Variants in BRINP1 observed in about 807,000 individuals in gnomAD.
BRINP1 encodes the protein BMP/retinoic acid inducible neural specific 1.
Under a neutral mutation model 72.9 loss-of-function variants are expected in BRINP1, and 17 were observed. That is an observed-to-expected ratio of 0.23 (90% CI 0.16 to 0.35). The LOEUF is 0.35. BRINP1 is among the 10% of genes least tolerant of loss of function. The pLI is 1.00. For missense variants in BRINP1, 850 were observed against 1,001.6 expected (o/e 0.85, Z 2.04); for synonymous variants, 418 against 378.5 (o/e 1.10, Z -1.21).
chr9:119,218,070 G>C (rs926840204), intron 5 of BRINP1, among the ~76,000 whole-genome samples: 1 of 151,786 alleles, frequency 6.6e-6, no homozygotes, highest in African/African-American at 2.4e-5. Flanking sequence ...ATTTCTAATA[G>C]TTTTTCTATC....
intron 2 of BRINP1, among the ~76,000 whole-genome samples, chr9:119,308,327 G>C (rs779552575): frequency 7.9e-5 from 12 of 152,166 alleles, no homozygotes; most frequent in Non-Finnish European, 1.5e-4. Context: ...GGAATCAAAA[G>C]CTGAAGGCTT....
intron 2 of BRINP1, among the ~76,000 whole-genome samples, chr9:119,277,851 TC>T (rs1456578556): frequency 6.6e-6 from 1 of 152,214 alleles, no homozygotes; most frequent in Non-Finnish European, 1.5e-5. Context: ...GTCCATCCTA[TC>T]TTCCACTCTA....
intron 1 of BRINP1, among the ~76,000 whole-genome samples, chr9:119,320,723 G>C (rs556163788): frequency 2.6e-5 from 4 of 152,262 alleles, no homozygotes; most frequent in Non-Finnish European, 5.9e-5. Context: ...AAAGAGACAG[G>C]GACAGGGTGG....
At chr9:119,225,028 T>A (rs747401699) in intron 5 of BRINP1, among the ~76,000 whole-genome samples, 5 of 152,076 alleles carry the variant, frequency 3.3e-5, no homozygotes, top group Non-Finnish European at 7.4e-5. Flanking sequence ...AATTTTACTC[T>A]TAAGTATATA....
In BRINP1 at chr9:119,249,091, T is replaced by A; in HGVS notation, c.278A>T (p.His93Leu). Residue 93 changes from histidine to leucine, a missense_variant, in exon 3 of 8, where the codon CAT (histidine) becomes CTT (leucine). Physicochemically the swap from His to Leu is moderately conservative, Grantham distance 99. Transcript: ENST00000265922. ...AAACTCCGGCATGAGGGGCACTGGATGGCGGACCAGATCTCTCCTCTCGAT... is the reference window on the plus strand; with the variant it reads ...AAACTCCGGCATGAGGGGCACTGGAAGGCGGACCAGATCTCTCCTCTCGAT... ...TAIERRDLVR[H>L]PVPLMPEFQR... 6.2e-7 allele frequency: 1 copy of A among 1,614,108 alleles called. No individual in the cohort carries two copies. Among genetic ancestry groups the A allele is most frequent in the South Asian group, 1.1e-5 (1 of 91,066 alleles).
At chr9:119,325,297 T>C (rs1831228727) in intron 1 of BRINP1, among the ~76,000 whole-genome samples, 1 of 152,146 alleles carries the variant, frequency 6.6e-6, no homozygotes, top group Admixed American at 6.5e-5. Context: ...AAACTCATTA[T>C]CACCCTCTCA....
intron 2 of BRINP1, among the ~76,000 whole-genome samples, chr9:119,303,543 T>C (rs1476502904): frequency 6.6e-6 from 1 of 152,170 alleles, no homozygotes; most frequent in Non-Finnish European, 1.5e-5. Context: ...ACTGTGTACA[T>C]GAATCAATGT....
At chr9:119,175,377 GGGGGGCTA>G (rs1273299350) in intron 7 of BRINP1, among the ~76,000 whole-genome samples, 1 of 152,112 alleles carries the variant, frequency 6.6e-6, no homozygotes, top group Non-Finnish European at 1.5e-5. Context: ...GTCAGGGGTT[GGGGGGCTA>G]GGGGAGAGAT....
intron 1 of BRINP1, among the ~76,000 whole-genome samples, chr9:119,323,162 G>A (rs181466096): frequency 1.1e-3 from 161 of 152,294 alleles, no homozygotes; most frequent in Admixed American, 1.6e-3. Context: ...ATGGGGTATA[G>A]AGGCCCCTCA....
chr9:119,316,083 A>G (rs1370095190), intron 1 of BRINP1, among the ~76,000 whole-genome samples: 1 of 152,102 alleles, frequency 6.6e-6, no homozygotes, highest in Non-Finnish European at 1.5e-5. Context: ...ACCCTAAACA[A>G]TCTATTTTCT....
chr9:119,170,444 A>G (rs1478623169), intron 7 of BRINP1, among the ~76,000 whole-genome samples: 13 of 150,936 alleles, frequency 8.6e-5, no homozygotes, highest in Non-Finnish European at 1.5e-4. Context: ...AAGAATAAAA[A>G]GAAATGAGCA....
chr9:119,304,374 T>C (rs888910656), intron 2 of BRINP1, among the ~76,000 whole-genome samples: 4 of 152,154 alleles, frequency 2.6e-5, no homozygotes, highest in Admixed American at 1.3e-4. Flanking sequence ...ATAGCGACCA[T>C]TGTATGGTTC....
In BRINP1 at chr9:119,285,201, CAAAA is replaced by C. The variant is rs58381406; in HGVS notation, c.218+27933_218+27936del. Among the ~76,000 whole-genome samples, 248 of 121,152 alleles carry C rather than the reference CAAAA, an allele frequency of 2.0e-3. 1 individual carries two copies. The highest frequency in any genetic ancestry group is 5.9e-3 in the African/African-American group (192 of 32,472). The allele number at this position is 121,152 out of a possible 152,430, so 79.5% of individuals were successfully genotyped here. On this transcript the variant is annotated intron_variant, in intron 2 of 7. Coordinates refer to ENST00000265922, the MANE Select transcript of BRINP1 (RefSeq NM_014618.3). ...ATACTAATCAAGTTCTTGCAGGCATCAAAAAAAAAAAAAAAAAAAATAGGTTGTA... is the reference window on the plus strand; with the variant it reads ...ATACTAATCAAGTTCTTGCAGGCATCAAAAAAAAAAAAAAAATAGGTTGTA...
Position 119,349,564 on chromosome 9 carries a change from G to A in BRINP1, c.-51+19492C>T, listed in dbSNP as rs368532729. Among the ~76,000 whole-genome samples the A allele has an allele frequency of 1.4e-4, 21 of 152,302 alleles. No homozygotes were observed. In the East Asian group the frequency reaches 1.7e-3, roughly 13 times the overall value. On this transcript the variant is annotated intron_variant, in intron 1 of 7. Transcript: ENST00000265922. ...AAAAATACAGCAACGGTTAAAAGCC[G>A]TCTCAGTTAAATAGAACTGGGAACC...
At chr9:119,266,808 T>C (rs998797099) in intron 2 of BRINP1, among the ~76,000 whole-genome samples, 3 of 152,244 alleles carry the variant, frequency 2.0e-5, no homozygotes, top group African/African-American at 4.8e-5. Context: ...GTTCCATCCA[T>C]GTTGTTGCAA....
chr9:119,268,247 AATAGATAGATAG>A (rs61056780), intron 2 of BRINP1, among the ~76,000 whole-genome samples: 3,952 of 95,562 alleles, frequency 0.041, 76 homozygotes, highest in Non-Finnish European at 0.061. Flanking sequence ...TGTCTCAATA[AATAGATAGATAG>A]ATAGATAGAT....
chr9:119,189,526 A>C (rs1829661801), intron 7 of BRINP1, among the ~76,000 whole-genome samples: 1 of 152,152 alleles, frequency 6.6e-6, no homozygotes, highest in African/African-American at 2.4e-5. Flanking sequence ...CTATGCTTAC[A>C]TTAGATAAAA....
At chr9:119,303,292 A>ACG (rs763702520) in intron 2 of BRINP1, among the ~76,000 whole-genome samples, 3 of 47,402 alleles carry the variant, frequency 6.3e-5, no homozygotes, top group African/African-American at 1.0e-4. Flanking sequence ...ACACACACAG[A>ACG]CACACACACA....
intron 2 of BRINP1, among the ~76,000 whole-genome samples, chr9:119,275,728 C>G (rs1241117720): frequency 1.3e-5 from 2 of 152,136 alleles, no homozygotes; most frequent in East Asian, 3.9e-4. Context: ...TCATTAATCC[C>G]AAAGCATGAG....
Sources: allele counts gnomAD v4.1 joint callset (sites outside exome capture counted in the v4.1 genomes callset), GRCh38; gene constraint gnomAD v4.1.1; transcripts MANE v1.5; gene names NCBI Gene and HGNC (gene_info 2026-07-23, HGNC 2026-07-21).